Variants in EPB41L4B observed in about 807,000 individuals in gnomAD.
EPB41L4B encodes the protein erythrocyte membrane protein band 4.1 like 4B, also known as band 4.1-like protein 4B.
Under a neutral mutation model 112.5 loss-of-function variants are expected in EPB41L4B, and 30 were observed. The observed-to-expected ratio is 0.27, with a 90% CI of 0.20 to 0.36. The LOEUF is 0.36. Among genes scored for constraint, EPB41L4B ranks in the 10% least tolerant of loss-of-function variants. EPB41L4B has a pLI of 1.00. For missense variants in EPB41L4B, 1,024 were observed against 1,133.3 expected (o/e 0.90, Z 1.38); for synonymous variants, 408 against 439.7 (o/e 0.93, Z 0.90).
intron 11 of EPB41L4B, among the ~76,000 whole-genome samples, chr9:109,255,163 G>A (rs1268853247): frequency 6.6e-6 from 1 of 152,226 alleles, no homozygotes; most frequent in African/African-American, 2.4e-5. Context: ...CTAGCCACAT[G>A]TGGCTTCTTG....
chr9:109,266,054 C>T (rs1196010573), intron 4 of EPB41L4B, among the ~76,000 whole-genome samples: 1 of 152,184 alleles, frequency 6.6e-6, no homozygotes, highest in Non-Finnish European at 1.5e-5. Flanking sequence ...TTGGCCACCA[C>T]TGAACTTCAC....
At chr9:109,206,755 C>T (rs927897836) in intron 18 of EPB41L4B, among the ~76,000 whole-genome samples, 2 of 152,194 alleles carry the variant, frequency 1.3e-5, no homozygotes, top group Non-Finnish European at 2.9e-5. Flanking sequence ...TCTCCAAGTC[C>T]ACCTTTCAAA....
Position 109,194,212 on chromosome 9 carries a change from C to A in EPB41L4B, c.2223+8G>T, listed in dbSNP as rs538423422. ...GGCTGCTCGCCAGGGCTTTCCACCC[C>A]CCAATACCTTGGCCCCAGGGGACAG... On this transcript the variant is annotated splice_region_variant and intron_variant, in intron 21 of 25. Coordinates refer to ENST00000374566, the MANE Select transcript of EPB41L4B (RefSeq NM_019114.5). 70 of 1,613,588 alleles carry A rather than the reference C, an allele frequency of 4.3e-5. No homozygotes were observed. Among genetic ancestry groups the A allele is most frequent in the Middle Eastern group, 1.7e-4 (1 of 6,060 alleles).
chr9:109,264,135 G>A (rs1835317089), intron 5 of EPB41L4B, among the ~76,000 whole-genome samples: 1 of 152,022 alleles, frequency 6.6e-6, no homozygotes, highest in Admixed American at 6.6e-5. Flanking sequence ...GGCTGAATAA[G>A]GCAAATGTAT....
chr9:109,241,673 T>C, intron 15 of EPB41L4B: 1 of 1,614,088 alleles, frequency 6.2e-7, no homozygotes, highest in Non-Finnish European at 8.5e-7. Flanking sequence ...CAAAGTGCAG[T>C]CATGAGTTTA....
rs939855308 is a variant in EPB41L4B at position 109,274,681 on chromosome 9, C to A, written c.411+5136G>T. Among the ~76,000 whole-genome samples the A allele has an allele frequency of 3.9e-5, 6 of 152,152 alleles. No homozygotes were observed. In the East Asian group the frequency reaches 7.7e-4, roughly 20 times the overall value. On this transcript the variant is annotated intron_variant, in intron 2 of 25. Transcript: ENST00000374566. ...TATGTATGTACGCATGAACCAAGTGCATATTCAAGCCGTATAGCCAAGTGG... is the reference window on the plus strand; with the variant it reads ...TATGTATGTACGCATGAACCAAGTGAATATTCAAGCCGTATAGCCAAGTGG...
At chr9:109,308,841 G>T (rs1024736479) in intron 1 of EPB41L4B, among the ~76,000 whole-genome samples, 2 of 152,204 alleles carry the variant, frequency 1.3e-5, no homozygotes, top group African/African-American at 4.8e-5. Context: ...ACTTTGGGAG[G>T]CTGAGGCAGG....
chr9:109,282,046 T>C (rs901652004), intron 1 of EPB41L4B, among the ~76,000 whole-genome samples: 4 of 152,248 alleles, frequency 2.6e-5, no homozygotes, highest in African/African-American at 9.6e-5. Context: ...TACAATGGAC[T>C]ATCATTTGGC....
rs754090562 is a variant in EPB41L4B, at chr9:109,262,930, G to A, written c.631+120C>T. On this transcript the variant is annotated intron_variant, in intron 6 of 25. Transcript: ENST00000374566. The stretch of plus-strand genomic sequence containing the variant: ...TGCACGCCACTTGGGGACAGAGACC[G>A]TGTCATATTCATTTATATCCCCAAA... 1.2e-5 allele frequency: 8 copies of A among 679,826 alleles called. No homozygotes were observed. The South Asian group carries it at 1.5e-4, about 12-fold the overall frequency. 42.1% of individuals were successfully genotyped at this position (679,826 alleles called of 1,614,324 possible).
intron 1 of EPB41L4B, among the ~76,000 whole-genome samples, chr9:109,298,967 A>G (rs1467845222): frequency 6.6e-6 from 1 of 152,214 alleles, no homozygotes; most frequent in Non-Finnish European, 1.5e-5. Flanking sequence ...ACCTTCTAAG[A>G]TACCTAGAGA....
At chr9:109,209,740 C>T (rs1340920642) in intron 17 of EPB41L4B, among the ~76,000 whole-genome samples, 1 of 152,130 alleles carries the variant, frequency 6.6e-6, no homozygotes, top group Non-Finnish European at 1.5e-5. Context: ...ACTGACTATG[C>T]ATTTCATACG....
At chr9:109,260,155 C>T (rs1385194837) in intron 6 of EPB41L4B, among the ~76,000 whole-genome samples, 2 of 152,118 alleles carry the variant, frequency 1.3e-5, no homozygotes, top group Non-Finnish European at 2.9e-5. Flanking sequence ...CAACCTCAAA[C>T]CTCAACCTCC....
At chr9:109,293,447 A>G (rs1240863731) in intron 1 of EPB41L4B, among the ~76,000 whole-genome samples, 1 of 150,226 alleles carries the variant, frequency 6.7e-6, no homozygotes, top group African/African-American at 2.5e-5. Flanking sequence ...CAATGGCATG[A>G]TCTCAGGTCA....
At chr9:109,178,637 T>A (rs2118590748) in intron 24 of EPB41L4B, among the ~76,000 whole-genome samples, 1 of 152,202 alleles carries the variant, frequency 6.6e-6, no homozygotes, top group African/African-American at 2.4e-5. Flanking sequence ...AGATGGGGTT[T>A]CACCATGTTG....
intron 15 of EPB41L4B, among the ~76,000 whole-genome samples, chr9:109,217,386 G>T (rs1432745747): frequency 6.6e-6 from 1 of 152,132 alleles, no homozygotes; most frequent in Non-Finnish European, 1.5e-5. Flanking sequence ...GAAATTAAAT[G>T]AAATAATATT....
chr9:109,277,971 GA>G (rs1213401597), intron 2 of EPB41L4B, among the ~76,000 whole-genome samples: 1 of 152,200 alleles, frequency 6.6e-6, no homozygotes, highest in Non-Finnish European at 1.5e-5. Flanking sequence ...AAGCTTAAAT[GA>G]CAGGAAACAG....
chr9:109,289,834 A>G (rs528909699), intron 1 of EPB41L4B, among the ~76,000 whole-genome samples: 46 of 152,372 alleles, frequency 3.0e-4, no homozygotes, highest in African/African-American at 1.0e-3. Context: ...CCCCAAGTGC[A>G]GGCTTTGCAT....
chr9:109,306,598 G>A (rs1440460531), intron 1 of EPB41L4B, among the ~76,000 whole-genome samples: 1 of 129,572 alleles, frequency 7.7e-6, no homozygotes, highest in Non-Finnish European at 1.6e-5. Flanking sequence ...GGGCAACAGA[G>A]CGAGCAAAAA....
chr9:109,223,195 T>A (rs1395071546), intron 15 of EPB41L4B, among the ~76,000 whole-genome samples: 1 of 152,020 alleles, frequency 6.6e-6, no homozygotes, highest in African/African-American at 2.4e-5. Flanking sequence ...CTTCCAGCAT[T>A]TTGGGAGGCC....
Sources: allele counts gnomAD v4.1 joint callset (sites outside exome capture counted in the v4.1 genomes callset), GRCh38; gene constraint gnomAD v4.1.1; transcripts MANE v1.5; gene names NCBI Gene and HGNC (gene_info 2026-07-23, HGNC 2026-07-21).